The following LRRC4C variants were observed in gnomAD, a reference collection of about 807,000 sequenced individuals.
The protein encoded by LRRC4C is leucine rich repeat containing 4C.
Under a neutral mutation model 33.6 loss-of-function variants are expected in LRRC4C, and 5 were observed. That is an observed-to-expected ratio of 0.15 (90% CI 0.08 to 0.31). The LOEUF (loss-of-function observed/expected upper bound fraction) is 0.31, where lower values mean the gene tolerates loss of function less well. Among genes scored for constraint, LRRC4C ranks in the 10% least tolerant of loss-of-function variants. The pLI is 1.00. For synonymous variants in LRRC4C, 329 were observed against 302.0 expected, an observed-to-expected ratio of 1.09 and a Z score of -0.93; for missense variants, 560 against 796.7, an observed-to-expected ratio of 0.70 and a Z score of 3.58.
At chr11:41,210,471 C>A (rs191517325) in intron 1 of LRRC4C, among the ~76,000 whole-genome samples, 13 of 152,262 alleles carry the variant, frequency 8.5e-5, no homozygotes, top group African/African-American at 3.1e-4. Context: ...TGAGCCCTCC[C>A]CAGCCACACT....
At chr11:40,661,012 T>C (rs1394738032) in intron 2 of LRRC4C, among the ~76,000 whole-genome samples, 2 of 152,226 alleles carry the variant, frequency 1.3e-5, no homozygotes, top group Non-Finnish European at 2.9e-5. Flanking sequence ...TTTCTTTTTA[T>C]TGCATTTGTG....
At chr11:40,499,377 T>A (rs1272924325) in intron 3 of LRRC4C, among the ~76,000 whole-genome samples, 1 of 152,192 alleles carries the variant, frequency 6.6e-6, no homozygotes, top group African/African-American at 2.4e-5. Flanking sequence ...AAGTATCATA[T>A]GGAAACCATC....
At chr11:40,641,762 C>T (rs187858298) in intron 3 of LRRC4C, among the ~76,000 whole-genome samples, 38 of 152,256 alleles carry the variant, frequency 2.5e-4, no homozygotes, top group African/African-American at 8.9e-4. Flanking sequence ...TGCTGGTTTG[C>T]CTCCGGCATC....
intron 3 of LRRC4C, among the ~76,000 whole-genome samples, chr11:40,373,257 G>A (rs555280404): frequency 6.6e-6 from 1 of 152,090 alleles, no homozygotes; most frequent in East Asian, 1.9e-4. Flanking sequence ...TGACCTCGGG[G>A]TAATGAATGA....
At chr11:40,224,441 G>T (rs1191575011) in intron 5 of LRRC4C, among the ~76,000 whole-genome samples, 1 of 152,168 alleles carries the variant, frequency 6.6e-6, no homozygotes, top group Non-Finnish European at 1.5e-5. Context: ...TTCAAGACGT[G>T]TGGTGCCCAC....
intron 3 of LRRC4C, among the ~76,000 whole-genome samples, chr11:40,390,704 T>C (rs574528774): frequency 2.6e-5 from 4 of 152,282 alleles, no homozygotes; most frequent in African/African-American, 7.2e-5. Context: ...AAGGTGGTTC[T>C]AGGGAAGGGT....
intron 1 of LRRC4C, among the ~76,000 whole-genome samples, chr11:41,055,265 T>C (rs982695049): frequency 3.9e-5 from 6 of 152,170 alleles, no homozygotes; most frequent in Non-Finnish European, 8.8e-5. Context: ...TGCTAGTCTA[T>C]TGCCATTTCT....
chr11:40,828,752 C>T lies in LRRC4C; in HGVS notation c.-407+104883G>A, dbSNP rs140991345. On this transcript the variant is annotated intron_variant, in intron 2 of 6. Coordinates refer to ENST00000528697, the MANE Select transcript of LRRC4C (RefSeq NM_001258419.2). ...GGATTTCATTTCCTCTTGTGGAAAA[C>T]AAAGGGCTTGTACTAGACAATTTGT... Among the ~76,000 whole-genome samples the T allele has an allele frequency of 1.8e-4, 28 of 151,868 alleles. No individual in the cohort carries two copies. In the East Asian group the frequency reaches 4.8e-3, roughly 26 times the overall value.
chr11:41,453,884 G>A (rs968365750), intron 1 of LRRC4C, among the ~76,000 whole-genome samples: 1 of 151,984 alleles, frequency 6.6e-6, no homozygotes, highest in African/African-American at 2.4e-5. Context: ...GATGCTTAAG[G>A]CTGTGGTAGA....
intron 2 of LRRC4C, among the ~76,000 whole-genome samples, chr11:40,805,404 A>AT (rs1185185793): frequency 6.6e-6 from 1 of 152,148 alleles, no homozygotes; most frequent in African/African-American, 2.4e-5. Context: ...GCCCTCTGGA[A>AT]TTTTCAATTG....
At chr11:40,290,437 C>T (rs1944116744) in intron 4 of LRRC4C, among the ~76,000 whole-genome samples, 3 of 152,022 alleles carry the variant, frequency 2.0e-5, no homozygotes, top group African/African-American at 7.2e-5. Flanking sequence ...AACATGTGCC[C>T]AGAAAAATAA....
intron 3 of LRRC4C, among the ~76,000 whole-genome samples, chr11:40,548,702 G>A (rs903804857): frequency 5.9e-5 from 9 of 152,150 alleles, no homozygotes; most frequent in Admixed American, 3.9e-4. Flanking sequence ...GATTGGCAGT[G>A]AAGAGAGTAC....
At position 40,114,631 on chromosome 11, in the gene LRRC4C, G is replaced by T; in HGVS notation, c.1662C>A (p.His554Gln). ...LVIFYKMRKQ[H>Q]HRQNHHAPTR... The stretch of plus-strand genomic sequence containing the variant: ...TTGGGGCGTGATGGTTTTGCCGATG[G>T]TGCTGCTTCCTCATCTTGTAGAAAA... Residue 554 changes from histidine (H) to glutamine (Q), a missense_variant, in exon 7 of 7, where the codon CAC (histidine) becomes CAA (glutamine). This residue lies in a region of LRRC4C where 103 missense variants were observed against 132.1 expected (regional missense o/e 0.78). Coordinates refer to ENST00000528697, the MANE Select transcript of LRRC4C (RefSeq NM_001258419.2). The T allele has an allele frequency of 1.9e-6, 3 of 1,614,136 alleles. No homozygotes were observed. The highest frequency in any genetic ancestry group is 2.5e-6 in the Non-Finnish European group (3 of 1,180,034).
At chr11:40,318,768 C>T (rs1033838358) in intron 4 of LRRC4C, among the ~76,000 whole-genome samples, 5 of 152,204 alleles carry the variant, frequency 3.3e-5, no homozygotes, top group Admixed American at 3.3e-4. Flanking sequence ...AAATTGAAAA[C>T]TACTATCTGC....
At chr11:41,259,706 C>T (rs1948914919) in intron 1 of LRRC4C, among the ~76,000 whole-genome samples, 1 of 151,994 alleles carries the variant, frequency 6.6e-6, no homozygotes. Flanking sequence ...GTCAAACATC[C>T]TGGGTTTCAG....
At chr11:41,358,121 T>C (rs947684313) in intron 1 of LRRC4C, among the ~76,000 whole-genome samples, 4 of 152,084 alleles carry the variant, frequency 2.6e-5, no homozygotes, top group Non-Finnish European at 5.9e-5. Context: ...TAACTGGTGT[T>C]GACAAAGAAG....
intron 2 of LRRC4C, among the ~76,000 whole-genome samples, chr11:40,924,438 A>T (rs1957330466): frequency 7.2e-6 from 1 of 138,662 alleles, no homozygotes; most frequent in Admixed American, 7.3e-5. Context: ...GCCTTAAAAA[A>T]TACTAGTAGT....
intron 3 of LRRC4C, among the ~76,000 whole-genome samples, chr11:40,425,322 C>T (rs1565374773): frequency 6.6e-6 from 1 of 152,094 alleles, no homozygotes; most frequent in Non-Finnish European, 1.5e-5. Flanking sequence ...TCAGCCTCTA[C>T]ATGAGGTTAG....
In LRRC4C at chr11:40,865,755, C is replaced by A. The variant is rs7122278; in HGVS notation, c.-407+67880G>T. Among the ~76,000 whole-genome samples, 548 of 151,606 alleles carry A rather than the reference C, an allele frequency of 3.6e-3. 1 individual carries two copies. The highest frequency in any genetic ancestry group is 0.013 in the African/African-American group (525 of 41,338). ...TAACATTCTTTTTAAAGAGCATAAA[C>A]CTTTGGGTAAAGGTAAATATTTTTC... is the stretch of plus-strand genomic sequence containing the variant. On this transcript the variant is annotated intron_variant, in intron 2 of 6. Coordinates refer to ENST00000528697, the MANE Select transcript of LRRC4C (RefSeq NM_001258419.2).
Sources: gnomAD v4.1 joint callset for allele counts (sites outside exome capture counted in the v4.1 genomes callset) on GRCh38, gnomAD v4.1.1 for gene constraint, gnomAD v4.1.1 regional missense constraint, MANE v1.5 for transcripts, NCBI Gene and HGNC (gene_info 2026-07-23, HGNC 2026-07-21) for gene names.